Variants in SUGCT observed in about 807,000 individuals in gnomAD.
SUGCT encodes succinyl-CoA:glutarate CoA-transferase.
Under a neutral mutation model 55.0 loss-of-function variants are expected in SUGCT, and 41 were observed. The observed-to-expected ratio is 0.74, with a 90% CI of 0.58 to 0.97. The LOEUF (loss-of-function observed/expected upper bound fraction) is 0.97, where lower values mean the gene tolerates loss of function less well. SUGCT is among the 50% of genes least tolerant of loss of function. The pLI is 0.00. For synonymous variants in SUGCT, 187 were observed against 200.4 expected (o/e 0.93, Z 0.56); for missense variants, 568 against 547.8 (o/e 1.04, Z -0.37).
chr7:40,960,313 T>C, the SUGCT span, among the ~76,000 whole-genome samples: 1 of 152,226 alleles, frequency 6.6e-6, no homozygotes, highest in African/African-American at 2.4e-5. Flanking sequence ...CTCTGCAGTT[T>C]CTTTGGAAGT....
chr7:40,486,724 C>CTT (rs59425229), intron 11 of SUGCT, among the ~76,000 whole-genome samples: 2,921 of 133,858 alleles, frequency 0.022, 109 homozygotes, highest in African/African-American at 0.077. Flanking sequence ...TTCTTCCTTC[C>CTT]TTTTTTTTTT....
At chr7:40,794,114 C>T (rs1331120302) in intron 13 of SUGCT, among the ~76,000 whole-genome samples, 1 of 151,882 alleles carries the variant, frequency 6.6e-6, no homozygotes, top group African/African-American at 2.4e-5. Context: ...CTGATTCTTT[C>T]ATTTATTTGT....
intron 11 of SUGCT, among the ~76,000 whole-genome samples, chr7:40,485,417 CTTTTTTTTT>C (rs397889166): frequency 2.7e-5 from 2 of 74,446 alleles, no homozygotes; most frequent in East Asian, 4.3e-4. Flanking sequence ...TATATACATT[CTTTTTTTTT>C]TTTTTTTTTT....
chr7:40,883,070 A>C, the SUGCT span, among the ~76,000 whole-genome samples: 2 of 152,324 alleles, frequency 1.3e-5, no homozygotes, highest in South Asian at 2.1e-4. Context: ...GCCTAACTGA[A>C]AGCATGAGAT....
rs1001700796 is a variant in SUGCT at position 40,651,765 on chromosome 7, C to T, written c.1090-97669C>T. On this transcript the variant is annotated intron_variant, in intron 12 of 13. Transcript: ENST00000335693. ...ATCTGTAGCTCTCATTTCCTTCTTC[C>T]TGCTTAGTTCTTTTCTTTGTATTCT... Among the ~76,000 whole-genome samples, 4 of 151,962 alleles carry T rather than the reference C, an allele frequency of 2.6e-5. 1 individual carries two copies. The highest frequency in any genetic ancestry group is 2.6e-4 in the Admixed American group (4 of 15,258).
rs1554296332 is a variant in SUGCT at position 40,249,313 on chromosome 7, C to CTATATGTATATA, written c.576+11592_576+11593insGTATATATATAT. On this transcript the variant is annotated intron_variant, in intron 7 of 13. Coordinates refer to ENST00000335693, the MANE Select transcript of SUGCT (RefSeq NM_001193313.2). ...TCTTAAAACAAAAAACACCAAAAAGCTATATATATATATATATATATATAT... is the reference window on the plus strand; with the variant it reads ...TCTTAAAACAAAAAACACCAAAAAGCTATATGTATATATATATATATATATATATATATATAT... Among the ~76,000 whole-genome samples, 5 of 79,512 alleles carry CTATATGTATATA rather than the reference C, an allele frequency of 6.3e-5. No homozygotes were observed. The South Asian group carries it at 2.3e-3, about 37-fold the overall frequency. The allele number at this position is 79,512 out of a possible 152,430, so 52.2% of individuals were successfully genotyped here. A position where few individuals can be genotyped will look rare whatever the true frequency, so the allele number is the denominator to read the frequency against.
chr7:40,586,977 G>T (rs1036840762), intron 12 of SUGCT, among the ~76,000 whole-genome samples: 2 of 152,206 alleles, frequency 1.3e-5, no homozygotes, highest in African/African-American at 4.8e-5. Context: ...CAGAACTACA[G>T]ATATATGTAA....
At chr7:40,385,285 G>A (rs1426509927) in intron 9 of SUGCT, among the ~76,000 whole-genome samples, 1 of 152,120 alleles carries the variant, frequency 6.6e-6, no homozygotes, top group East Asian at 1.9e-4. Flanking sequence ...GACAGTTCTG[G>A]CTGAAATTCT....
intron 11 of SUGCT, among the ~76,000 whole-genome samples, chr7:40,480,643 T>C (rs1790978378): frequency 6.6e-6 from 1 of 152,206 alleles, no homozygotes; most frequent in South Asian, 2.1e-4. Flanking sequence ...TTCTAATCCA[T>C]GAACATAGGG....
chr7:40,276,542 T>A (rs1012329197), intron 8 of SUGCT, among the ~76,000 whole-genome samples: 12 of 152,320 alleles, frequency 7.9e-5, no homozygotes, highest in African/African-American at 2.6e-4. Context: ...AGACTCTACT[T>A]AAGTCTCCTG....
At chr7:40,587,566 A>C (rs1414217784) in intron 12 of SUGCT, among the ~76,000 whole-genome samples, 1 of 152,218 alleles carries the variant, frequency 6.6e-6, no homozygotes, top group East Asian at 1.9e-4. Context: ...ATGAGTTGAC[A>C]CATTAAATGT....
the SUGCT span, among the ~76,000 whole-genome samples, chr7:40,951,135 C>G: frequency 0.083 from 12,677 of 152,104 alleles, 582 homozygotes; most frequent in African/African-American, 0.11. Flanking sequence ...CTCAATTTCA[C>G]AGCCTGTTAT....
intron 1 of SUGCT, among the ~76,000 whole-genome samples, chr7:40,167,296 G>T (rs1784468037): frequency 6.6e-6 from 1 of 152,206 alleles, no homozygotes; most frequent in Admixed American, 6.5e-5. Flanking sequence ...TAAAATTCTA[G>T]ATAATGAAAA....
chr7:40,316,226 C>A (rs974483999), intron 8 of SUGCT, among the ~76,000 whole-genome samples: 1 of 152,052 alleles, frequency 6.6e-6, no homozygotes, highest in Admixed American at 6.5e-5. Flanking sequence ...ATGCTTTGGG[C>A]AGAATGTAAC....
intron 11 of SUGCT, among the ~76,000 whole-genome samples, chr7:40,464,656 C>T (rs1249806318): frequency 6.6e-6 from 1 of 152,066 alleles, no homozygotes; most frequent in Non-Finnish European, 1.5e-5. Flanking sequence ...ATAGCAAGAC[C>T]CTATGTTGCT....
the SUGCT span, among the ~76,000 whole-genome samples, chr7:40,931,155 C>A: frequency 6.6e-6 from 1 of 152,112 alleles, no homozygotes; most frequent in East Asian, 1.9e-4. Flanking sequence ...TTGTCAAAGG[C>A]CTTTTCTGCA....
chr7:40,237,674 A>G lies in SUGCT; in HGVS notation c.524A>G (p.Tyr175Cys). 6.2e-7 allele frequency: 1 copy of G among 1,613,918 alleles called. No individual in the cohort carries two copies. Among genetic ancestry groups the G allele is most frequent in the East Asian group, 2.2e-5 (1 of 44,876 alleles). The change falls in exon 7 of 14, where the codon TAT (tyrosine) becomes TGT (cysteine). Residue 175 changes from tyrosine (Y) to cysteine (C), a missense_variant. Tyr to Cys is a radical substitution (Grantham distance 194, BLOSUM62 -2). Coordinates refer to ENST00000335693, the MANE Select transcript of SUGCT (RefSeq NM_001193313.2). Reference sequence around the variant, plus strand: ...GGTCCAATTTCTCAGCGAGCTGGTTATGATGCTGTTGCCTCGGCTGTTTCT... The same window carrying G: ...GGTCCAATTTCTCAGCGAGCTGGTTGTGATGCTGTTGCCTCGGCTGTTTCT... ...QTGPISQRAG[Y>C]DAVASAVSGL...
the SUGCT span, among the ~76,000 whole-genome samples, chr7:41,034,149 A>G: frequency 1.3e-5 from 2 of 152,176 alleles, no homozygotes; most frequent in Non-Finnish European, 2.9e-5. Context: ...TGAGCAACTT[A>G]ATTATACTTG....
chr7:40,571,802 T>G (rs144364934), intron 12 of SUGCT, among the ~76,000 whole-genome samples: 207 of 152,318 alleles, frequency 1.4e-3, no homozygotes, highest in African/African-American at 4.8e-3. Flanking sequence ...TATTCTTAAA[T>G]TCTTTGGGAT....
Sources: gnomAD v4.1 joint callset for allele counts (sites outside exome capture counted in the v4.1 genomes callset) on GRCh38, gnomAD v4.1.1 for gene constraint, MANE v1.5 for transcripts, NCBI Gene and HGNC (gene_info 2026-07-23, HGNC 2026-07-21) for gene names.